ROBO1: variants seen among roughly 807,000 people sequenced by gnomAD.
ROBO1 encodes the protein roundabout homolog 1.
ROBO1 carries 149 observed loss-of-function variants against 195.9 expected under a neutral mutation model. That is an observed-to-expected ratio of 0.76 (90% CI 0.67 to 0.87). The LOEUF is 0.87. Ranked by LOEUF, ROBO1 falls within the 40% of genes least tolerant of loss-of-function variation. ROBO1 has a pLI of 0.00. For synonymous variants in ROBO1, 816 were observed against 733.2 expected, an observed-to-expected ratio of 1.11 and a Z score of -1.82; for missense variants, 1,933 against 2,068.3, an observed-to-expected ratio of 0.93 and a Z score of 1.27.
At chr3:79,058,735 T>C (rs2078859882) in intron 3 of ROBO1, among the ~76,000 whole-genome samples, 1 of 152,098 alleles carries the variant, frequency 6.6e-6, no homozygotes, top group South Asian at 2.1e-4. Context: ...AAAAGTGTAA[T>C]GCTGGTTCGA....
Position 78,842,514 on chromosome 3 carries a change from A to G in ROBO1, c.500-95614T>C, listed in dbSNP as rs62257508. Among the ~76,000 whole-genome samples, 584 of 64,004 alleles carry G rather than the reference A, an allele frequency of 9.1e-3. 28 individuals carry two copies. Among genetic ancestry groups the G allele is most frequent in the East Asian group, 0.049 (39 of 800 alleles). 42.0% of individuals were successfully genotyped at this position (64,004 alleles called of 152,430 possible). On this transcript the variant is annotated intron_variant, in intron 4 of 30. Transcript: ENST00000464233. ...ATATGAGCCATATATATTTTTATATATATGAGCCATATATATTTTTATATA... is the reference window on the plus strand; with the variant it reads ...ATATGAGCCATATATATTTTTATATGTATGAGCCATATATATTTTTATATA...
intron 3 of ROBO1, among the ~76,000 whole-genome samples, chr3:79,050,711 C>G (rs536446753): frequency 1.3e-5 from 2 of 152,306 alleles, no homozygotes; most frequent in East Asian, 3.9e-4. Flanking sequence ...CAAACTGTCT[C>G]TCAGACCACA....
chr3:79,075,115 T>C lies in ROBO1; in HGVS notation c.172+50341A>G, dbSNP rs532508736. On this transcript the variant is annotated intron_variant, in intron 3 of 30. Coordinates refer to ENST00000464233, the MANE Select transcript of ROBO1 (RefSeq NM_002941.4). ...TGCCATGATTCCTCATCATGGCTTT[T>C]TTTTAAGGGATTTTTATAAGATGTC... 1.6e-4 allele frequency among the ~76,000 whole-genome samples: 25 copies of C among 151,976 alleles called. No individual in the cohort carries two copies. The East Asian group carries it at 4.9e-3, about 30-fold the overall frequency.
At chr3:79,706,695 T>C (rs1249028521) in intron 1 of ROBO1, among the ~76,000 whole-genome samples, 1 of 152,106 alleles carries the variant, frequency 6.6e-6, no homozygotes, top group Non-Finnish European at 1.5e-5. Flanking sequence ...ACTCTCTTTT[T>C]GCCTGTTGCC....
chr3:78,691,522 T>G (rs2107860158), intron 8 of ROBO1, among the ~76,000 whole-genome samples: 1 of 152,284 alleles, frequency 6.6e-6, no homozygotes, highest in East Asian at 1.9e-4. Flanking sequence ...TGTTTTAAAT[T>G]TAGATTATTT....
chr3:78,666,105 C>T (rs551393794), intron 14 of ROBO1, among the ~76,000 whole-genome samples: 2 of 152,166 alleles, frequency 1.3e-5, no homozygotes, highest in East Asian at 3.9e-4. Context: ...CACTTTTGCT[C>T]GGCACCTCTT....
At chr3:79,596,663 C>A (rs577480631) in intron 1 of ROBO1, among the ~76,000 whole-genome samples, 1 of 152,092 alleles carries the variant, frequency 6.6e-6, no homozygotes, top group South Asian at 2.1e-4. Context: ...AGTTCAGAAT[C>A]TTTAAGTAAC....
At chr3:79,064,912 G>C (rs545152895) in intron 3 of ROBO1, among the ~76,000 whole-genome samples, 10 of 151,846 alleles carry the variant, frequency 6.6e-5, no homozygotes, top group Non-Finnish European at 1.0e-4. Flanking sequence ...GAAGACAGTC[G>C]GGGGACTGAA....
intron 2 of ROBO1, among the ~76,000 whole-genome samples, chr3:79,276,873 AC>A (rs1393653376): frequency 5.9e-5 from 9 of 152,086 alleles, no homozygotes; most frequent in African/African-American, 2.2e-4. Context: ...AAAGTGCTCA[AC>A]ACAATTGATC....
At chr3:78,638,180 T>C (rs905479012) in intron 22 of ROBO1, among the ~76,000 whole-genome samples, 4 of 145,794 alleles carry the variant, frequency 2.7e-5, no homozygotes, top group African/African-American at 1.0e-4. Flanking sequence ...AGTGTGTGTG[T>C]GTGTATATAT....
In ROBO1 at chr3:79,549,434, C is replaced by T. The variant is rs114218462; in HGVS notation, c.88+40390G>A. On this transcript the variant is annotated intron_variant, in intron 2 of 30. Coordinates refer to ENST00000464233, the MANE Select transcript of ROBO1 (RefSeq NM_002941.4). ...ACTAGGGAGATCTGGGTAATACAGT[C>T]GGCCCTCCGTATCTATGAGTTTTAC... is the stretch of plus-strand genomic sequence containing the variant. Among the ~76,000 whole-genome samples the T allele has an allele frequency of 3.7e-3, 564 of 152,206 alleles. 2 individuals carry two copies. The highest frequency in any genetic ancestry group is 0.011 in the African/African-American group (475 of 41,522).
chr3:79,582,608 C>G (rs1943696183), intron 2 of ROBO1, among the ~76,000 whole-genome samples: 1 of 151,762 alleles, frequency 6.6e-6, no homozygotes, highest in African/African-American at 2.4e-5. Context: ...CTGAATTTAC[C>G]ACTTTTCTAC....
At chr3:79,162,494 A>G (rs866757686) in intron 2 of ROBO1, among the ~76,000 whole-genome samples, 3 of 152,124 alleles carry the variant, frequency 2.0e-5, no homozygotes, top group African/African-American at 2.4e-5. Flanking sequence ...AATGGAAGAA[A>G]ATACATGTGT....
chr3:78,681,207 T>C (rs1425823977), intron 10 of ROBO1, among the ~76,000 whole-genome samples: 1 of 151,680 alleles, frequency 6.6e-6, no homozygotes, highest in Admixed American at 6.6e-5. Flanking sequence ...TGGGGAGGGA[T>C]AGCATTAGGA....
intron 19 of ROBO1, among the ~76,000 whole-genome samples, chr3:78,650,296 C>T (rs529463466): frequency 6.7e-4 from 102 of 152,150 alleles, no homozygotes; most frequent in Middle Eastern, 6.8e-3. Flanking sequence ...ATTTCACAGG[C>T]GGGAATATTG....
At chr3:78,756,526 C>T (rs1019482416) in intron 4 of ROBO1, among the ~76,000 whole-genome samples, 6 of 152,142 alleles carry the variant, frequency 3.9e-5, no homozygotes, top group Admixed American at 1.3e-4. Flanking sequence ...TTCACTTAAT[C>T]ATTCATTCAA....
chr3:78,654,252 C>G (rs1344167613), intron 18 of ROBO1, among the ~76,000 whole-genome samples: 8 of 152,146 alleles, frequency 5.3e-5, no homozygotes, highest in Admixed American at 5.2e-4. Flanking sequence ...TGGCTAAATT[C>G]CTTCTCATGT....
At chr3:79,758,514 T>TA (rs1350133231) in intron 1 of ROBO1, among the ~76,000 whole-genome samples, 1 of 152,190 alleles carries the variant, frequency 6.6e-6, no homozygotes, top group African/African-American at 2.4e-5. Flanking sequence ...GTAATACAGG[T>TA]AAGTGCTCAG....
chr3:79,546,952 C>G (rs538751993), intron 2 of ROBO1, among the ~76,000 whole-genome samples: 1 of 152,016 alleles, frequency 6.6e-6, no homozygotes, highest in South Asian at 2.1e-4. Flanking sequence ...GAGGCCGAGG[C>G]GGGCGGATCA....
Sources: gnomAD v4.1 joint callset for allele counts (sites outside exome capture counted in the v4.1 genomes callset) on GRCh38, gnomAD v4.1.1 for gene constraint, MANE v1.5 for transcripts, NCBI Gene and HGNC (gene_info 2026-07-23, HGNC 2026-07-21) for gene names.